The following CTNNA3 variants were observed in gnomAD, a reference collection of about 807,000 sequenced individuals.
The protein encoded by CTNNA3 is catenin alpha 3.
A neutral mutation model predicts 95.7 loss-of-function variants in CTNNA3; 76 were observed. The observed-to-expected ratio is 0.79, with a 90% confidence interval of 0.66 to 0.96. CTNNA3 has a LOEUF of 0.96. Among genes scored for constraint, CTNNA3 ranks in the 40% least tolerant of loss-of-function variants. The probability of loss-of-function intolerance (pLI) is 0.00; values close to 1 mark genes in which losing one functional copy is unlikely to be tolerated. For missense variants in CTNNA3, 1,191 were observed against 1,089.8 expected (o/e 1.09, Z -1.31); for synonymous variants, 431 against 374.4 (o/e 1.15, Z -1.74).
At chr10:67,048,299 T>C (rs1854875210) in intron 7 of CTNNA3, among the ~76,000 whole-genome samples, 2 of 152,046 alleles carry the variant, frequency 1.3e-5, no homozygotes, top group Non-Finnish European at 2.9e-5. Flanking sequence ...GTTAAACGTA[T>C]TTAAAAGCCA....
intron 9 of CTNNA3, among the ~76,000 whole-genome samples, chr10:66,727,234 C>T (rs575919518): frequency 2.6e-5 from 4 of 152,060 alleles, no homozygotes; most frequent in Non-Finnish European, 2.9e-5. Flanking sequence ...CCTTTCAACT[C>T]TAAATCTGAA....
At chr10:66,254,168 T>C (rs2090667126) in intron 13 of CTNNA3, among the ~76,000 whole-genome samples, 1 of 152,126 alleles carries the variant, frequency 6.6e-6, no homozygotes, top group South Asian at 2.1e-4. Flanking sequence ...TGAAGGCATC[T>C]TGTTCGAGGA....
chr10:67,576,473 A>G (rs1344678135), intron 3 of CTNNA3, among the ~76,000 whole-genome samples: 1 of 152,052 alleles, frequency 6.6e-6, no homozygotes, highest in East Asian at 1.9e-4. Context: ...TTTTAGTTCC[A>G]TGAGTGGTAC....
chr10:65,972,220 G>C (rs866519725), intron 16 of CTNNA3, among the ~76,000 whole-genome samples: 2 of 152,040 alleles, frequency 1.3e-5, no homozygotes, highest in Middle Eastern at 3.4e-3. Context: ...ATGGACAAAA[G>C]CTGAAACCAA....
intron 9 of CTNNA3, among the ~76,000 whole-genome samples, chr10:66,694,850 G>A (rs1171286529): frequency 6.6e-6 from 1 of 152,076 alleles, no homozygotes; most frequent in African/African-American, 2.4e-5. Context: ...TATACAAATG[G>A]AAAATGCCAT....
At chr10:67,297,941 C>T (rs1373146078) in intron 5 of CTNNA3, among the ~76,000 whole-genome samples, 1 of 152,170 alleles carries the variant, frequency 6.6e-6, no homozygotes, top group Non-Finnish European at 1.5e-5. Context: ...CTTCCAGAAA[C>T]TCCAAATAGT....
intron 1 of CTNNA3, among the ~76,000 whole-genome samples, chr10:67,730,715 G>A (rs1438287916): frequency 3.3e-5 from 5 of 151,878 alleles, no homozygotes; most frequent in Admixed American, 1.3e-4. Flanking sequence ...AGGGAGAGAG[G>A]AAGAAAAACT....
intron 5 of CTNNA3, among the ~76,000 whole-genome samples, chr10:67,408,974 A>G (rs992536314): frequency 2.0e-5 from 3 of 152,102 alleles, no homozygotes; most frequent in Non-Finnish European, 2.9e-5. Flanking sequence ...GCCAACAAAC[A>G]TGTGAAAAAA....
At chr10:67,531,772 C>T (rs775712787) in intron 4 of CTNNA3, among the ~76,000 whole-genome samples, 1 of 152,122 alleles carries the variant, frequency 6.6e-6, no homozygotes, top group African/African-American at 2.4e-5. Context: ...GCTGTGTCCC[C>T]ACCCAAATCT....
chr10:66,411,493 C>A (rs1310530266), intron 11 of CTNNA3, among the ~76,000 whole-genome samples: 1 of 151,232 alleles, frequency 6.6e-6, no homozygotes, highest in Non-Finnish European at 1.5e-5. Flanking sequence ...ATGATAATTA[C>A]CATGAGGTAA....
chr10:67,448,150 A>C (rs1846825290), intron 5 of CTNNA3, among the ~76,000 whole-genome samples: 1 of 152,198 alleles, frequency 6.6e-6, no homozygotes, highest in Non-Finnish European at 1.5e-5. Flanking sequence ...ACCAATTCAT[A>C]TGATTCGTAT....
At chr10:65,999,207 A>G (rs1232018062) in intron 15 of CTNNA3, among the ~76,000 whole-genome samples, 3 of 152,172 alleles carry the variant, frequency 2.0e-5, no homozygotes, top group Admixed American at 2.0e-4. Flanking sequence ...CATTATTTCA[A>G]TGCATCTCTA....
intron 5 of CTNNA3, chr10:67,334,878 A>C (rs1005442116): frequency 6.1e-6 from 1 of 163,118 alleles, no homozygotes; most frequent in Non-Finnish European, 1.4e-5. Flanking sequence ...CTTGCCACTA[A>C]CCTGGGTTAA....
chr10:66,219,645 G>A (rs943459001), intron 13 of CTNNA3, among the ~76,000 whole-genome samples: 1 of 151,178 alleles, frequency 6.6e-6, no homozygotes, highest in Non-Finnish European at 1.5e-5. Context: ...TTTTGAAACT[G>A]CACCTCTAGC....
intron 5 of CTNNA3, among the ~76,000 whole-genome samples, chr10:67,306,973 C>G (rs1156252793): frequency 6.6e-6 from 1 of 151,986 alleles, no homozygotes; most frequent in East Asian, 1.9e-4. Flanking sequence ...CTATCAAAGA[C>G]TCAGAGCAGG....
At chr10:67,762,807 C>T (rs1216687097) in intron 1 of CTNNA3, among the ~76,000 whole-genome samples, 2 of 152,216 alleles carry the variant, frequency 1.3e-5, no homozygotes, top group African/African-American at 4.8e-5. Flanking sequence ...ATGTTATCTA[C>T]AGATTAGGGA....
At chr10:66,983,734 T>C (rs1371191559) in intron 7 of CTNNA3, among the ~76,000 whole-genome samples, 1 of 152,188 alleles carries the variant, frequency 6.6e-6, no homozygotes, top group Non-Finnish European at 1.5e-5. Flanking sequence ...AATTATCCCA[T>C]GATACAGTTT....
rs201623273 is a variant in CTNNA3, at chr10:67,121,886, T to TA, written c.1047+58430dup. Among the ~76,000 whole-genome samples, 835 of 136,884 alleles carry TA rather than the reference T, an allele frequency of 6.1e-3. 6 individuals carry two copies. The highest frequency in any genetic ancestry group is 0.022 in the African/African-American group (782 of 36,160). 89.8% of individuals were successfully genotyped at this position (136,884 alleles called of 152,430 possible). ...ATATCTTCCAGGTTTTCTAGAGAGG[T>TA]AAAAAATCTGAATTTTTTATGTGAA... On this transcript the variant is annotated intron_variant, in intron 7 of 17. Coordinates refer to ENST00000433211, the MANE Select transcript of CTNNA3 (RefSeq NM_013266.4).
At chr10:66,176,414 T>C (rs1447191358) in intron 13 of CTNNA3, among the ~76,000 whole-genome samples, 1 of 151,890 alleles carries the variant, frequency 6.6e-6, no homozygotes, top group African/African-American at 2.4e-5. Flanking sequence ...TAGTTTCTTA[T>C]GAAAAAAGAT....
Sources: allele counts gnomAD v4.1 joint callset (sites outside exome capture counted in the v4.1 genomes callset), GRCh38; gene constraint gnomAD v4.1.1; transcripts MANE v1.5; gene names NCBI Gene and HGNC (gene_info 2026-07-23, HGNC 2026-07-21).